The following UNC79 variants were observed in gnomAD, a reference collection of about 807,000 sequenced individuals.
UNC79 encodes unc-79 subunit of NALCN channel complex, also known as protein unc-79 homolog.
UNC79 carries 37 observed loss-of-function variants against 283.1 expected under a neutral mutation model. That is an observed-to-expected ratio of 0.13 (90% confidence interval 0.10 to 0.17). The LOEUF (loss-of-function observed/expected upper bound fraction) is 0.17. Ranked by LOEUF, UNC79 falls within the 10% of genes least tolerant of loss-of-function variation. UNC79 has a pLI of 1.00. For missense variants in UNC79, 2,272 were observed against 3,211.1 expected, an observed-to-expected ratio of 0.71 and a Z score of 7.07; for synonymous variants, 1,107 against 1,200.2, an observed-to-expected ratio of 0.92 and a Z score of 1.61.
At chr14:93,527,550 C>T (rs1326938555) in intron 8 of UNC79, among the ~76,000 whole-genome samples, 1 of 152,178 alleles carries the variant, frequency 6.6e-6, no homozygotes, top group Non-Finnish European at 1.5e-5. Context: ...GCAATTCTAA[C>T]TAGCTTCCTC....
chr14:93,599,413 A>T (rs2065334010), intron 24 of UNC79, among the ~76,000 whole-genome samples: 1 of 151,872 alleles, frequency 6.6e-6, no homozygotes, highest in Non-Finnish European at 1.5e-5. Flanking sequence ...CTCCCAATCC[A>T]GTGTAAACTT....
At chr14:93,368,934 A>G (rs1052025781) in intron 1 of UNC79, among the ~76,000 whole-genome samples, 20 of 152,246 alleles carry the variant, frequency 1.3e-4, no homozygotes, top group African/African-American at 4.8e-4. Context: ...AAGTTCTTAA[A>G]GGCATTCAAT....
At chr14:93,363,961 C>G (rs2054276448) in intron 1 of UNC79, among the ~76,000 whole-genome samples, 1 of 152,138 alleles carries the variant, frequency 6.6e-6, no homozygotes. Context: ...ACCTCGTGAT[C>G]TACCTGCCTT....
At chr14:93,572,927 G>A in intron 16 of UNC79, 111 bp downstream of exon 16, 2 of 1,410,980 alleles carry the variant, frequency 1.4e-6, no homozygotes, top group Non-Finnish European at 1.9e-6. Flanking sequence ...AAGTCCCCAT[G>A]TTTGCCAAGA....
intron 41 of UNC79, among the ~76,000 whole-genome samples, chr14:93,679,351 C>T (rs905776104): frequency 6.6e-6 from 1 of 151,950 alleles, no homozygotes; most frequent in African/African-American, 2.4e-5. Context: ...TCCAGCTACT[C>T]GGGAGGCTGA....
At chr14:93,459,889 C>T (rs2056901537) in intron 1 of UNC79, among the ~76,000 whole-genome samples, 1 of 28,862 alleles carries the variant, frequency 3.5e-5, no homozygotes, top group Non-Finnish European at 6.2e-5. Context: ...CCAGGATGGT[C>T]TCAATCTCCT....
rs71301930 is a variant in UNC79 at position 93,598,365 on chromosome 14, CGTGTGTGTGTGTGTGTGTGTGTGTGT to C, written c.3372+845_3372+870del. Among the ~76,000 whole-genome samples the C allele has an allele frequency of 6.1e-4, 39 of 64,088 alleles. No individual in the cohort carries two copies. The Admixed American group carries it at 7.8e-3, about 13-fold the overall frequency. The allele number at this position is 64,088 out of a possible 152,430, so 42.0% of individuals were successfully genotyped here. A position where few individuals can be genotyped will look rare whatever the true frequency, so the allele number is the denominator to read the frequency against. On this transcript the variant is annotated intron_variant, in intron 24 of 48. Coordinates refer to ENST00000555664, the Ensembl canonical transcript of UNC79. ...TTGGACAGATGTAATTATTGCATAA[CGTGTGTGTGTGTGTGTGTGTGTGTGT>C]GTGTGTGTGTGTGTGTGTGGCAGAT...
At chr14:93,574,781 TG>T (rs1450572978) in intron 16 of UNC79, among the ~76,000 whole-genome samples, 1 of 149,422 alleles carries the variant, frequency 6.7e-6, no homozygotes, top group Non-Finnish European at 1.5e-5. Flanking sequence ...GTGGTGGGTA[TG>T]GAGAGTGGGG....
At chr14:93,393,417 G>A (rs2054925449) in intron 1 of UNC79, among the ~76,000 whole-genome samples, 1 of 152,108 alleles carries the variant, frequency 6.6e-6, no homozygotes. Flanking sequence ...TGAGACTAAA[G>A]GTTACAGTTC....
intron 1 of UNC79, among the ~76,000 whole-genome samples, chr14:93,417,718 T>G (rs1595450860): frequency 1.3e-5 from 2 of 152,270 alleles, no homozygotes; most frequent in African/African-American, 2.4e-5. Flanking sequence ...GCTTTGTTCA[T>G]TTCTTTTTAT....
chr14:93,476,792 T>C (rs979048428), intron 3 of UNC79, among the ~76,000 whole-genome samples: 3 of 152,226 alleles, frequency 2.0e-5, no homozygotes, highest in Non-Finnish European at 4.4e-5. Flanking sequence ...TAAATAGTTA[T>C]GGTTTTGTTG....
chr14:93,552,869 C>T (rs1214280063), intron 14 of UNC79, among the ~76,000 whole-genome samples: 1 of 152,146 alleles, frequency 6.6e-6, no homozygotes, highest in African/African-American at 2.4e-5. Flanking sequence ...GCTCCTGGAC[C>T]TGTTAGAAAG....
At position 93,651,991 on chromosome 14, in the gene UNC79, A is replaced by T. The variant is rs530290127; in HGVS notation, c.6084-1751A>T. Among the ~76,000 whole-genome samples, 3 of 127,280 alleles carry T rather than the reference A, an allele frequency of 2.4e-5. No individual in the cohort carries two copies. The East Asian group carries it at 6.7e-4, about 29-fold the overall frequency. 83.5% of individuals were successfully genotyped at this position (127,280 alleles called of 152,430 possible). ...TGGTCAGGCTGGTCTGGAACTCCTGACCTCAGGTGATCCACCCACCTCGGC... is the reference window on the plus strand; with the variant it reads ...TGGTCAGGCTGGTCTGGAACTCCTGTCCTCAGGTGATCCACCCACCTCGGC... On this transcript the variant is annotated intron_variant, in intron 35 of 48. Coordinates refer to ENST00000555664, the Ensembl canonical transcript of UNC79.
chr14:93,479,775 G>A (rs1056404183), intron 4 of UNC79, among the ~76,000 whole-genome samples: 2 of 152,064 alleles, frequency 1.3e-5, no homozygotes, highest in African/African-American at 4.8e-5. Flanking sequence ...GGGTGTGAAG[G>A]CCTCTACCAC....
chr14:93,586,144 G>A (rs917560084), intron 20 of UNC79, among the ~76,000 whole-genome samples: 28 of 152,174 alleles, frequency 1.8e-4, no homozygotes, highest in African/African-American at 5.5e-4. Flanking sequence ...GCCTCCCAAA[G>A]TGCTGGGATT....
At chr14:93,636,667 C>A (rs889795270) in intron 31 of UNC79, among the ~76,000 whole-genome samples, 2 of 152,186 alleles carry the variant, frequency 1.3e-5, no homozygotes, top group African/African-American at 4.8e-5. Flanking sequence ...TGCATGGCGC[C>A]ATGACTTACT....
chr14:93,686,808 C>A, intron 43 of UNC79, 147 bp downstream of exon 46: 1 of 813,306 alleles, frequency 1.2e-6, no homozygotes, highest in Non-Finnish European at 1.9e-6. Flanking sequence ...GATCAAAGAG[C>A]CAGGGTCCAG....
In UNC79 at chr14:93,348,065, T is replaced by C. The variant is rs781686315; in HGVS notation, c.-351+14542T>C. 79 of 1,613,166 alleles carry C rather than the reference T, an allele frequency of 4.9e-5. 1 individual carries two copies. Among genetic ancestry groups the C allele is most frequent in the Non-Finnish European group, 6.7e-5 (79 of 1,179,208 alleles). The stretch of plus-strand genomic sequence containing the variant: ...GGACTTGTGGTGTTTTTTACGACCT[T>C]CTTAACACCAGCTGCATATGTGCTA... On this transcript the variant is annotated intron_variant, in intron 1 of 49. Coordinates refer to the UNC79 transcript ENST00000256339.
chr14:93,404,493 A>AAAAATATATATAT lies in UNC79; in HGVS notation c.-350-63177_-350-63176insAAATATATATATA. ...TGACAGAGTGAGACCTTCTAAAAAA[A>AAAAATATATATAT]ATATATATATATATATATATAAATA... On this transcript the variant is annotated intron_variant, in intron 1 of 49. Coordinates refer to the UNC79 transcript ENST00000256339. Among the ~76,000 whole-genome samples, 14 of 61,506 alleles carry AAAAATATATATAT rather than the reference A, an allele frequency of 2.3e-4. 1 individual carries two copies. The highest frequency in any genetic ancestry group is 7.3e-4 in the African/African-American group (11 of 14,984). 40.4% of individuals were successfully genotyped at this position (61,506 alleles called of 152,430 possible).
Sources: allele counts gnomAD v4.1 joint callset (sites outside exome capture counted in the v4.1 genomes callset), GRCh38; gene constraint gnomAD v4.1.1; transcripts MANE v1.5; gene names NCBI Gene and HGNC (gene_info 2026-07-23, HGNC 2026-07-21).